Variants in MEGF11 observed in about 807,000 individuals in gnomAD.
The protein encoded by MEGF11 is multiple epidermal growth factor-like domains protein 11.
Under a neutral mutation model 146.6 loss-of-function variants are expected in MEGF11, and 126 were observed. The observed-to-expected ratio is 0.86, with a 90% CI of 0.74 to 1.00. The LOEUF is 1.00. Among genes scored for constraint, MEGF11 ranks in the 50% least tolerant of loss-of-function variants. The pLI is 0.00. For synonymous variants in MEGF11, 532 were observed against 583.4 expected, an observed-to-expected ratio of 0.91 and a Z score of 1.27; for missense variants, 1,509 against 1,521.2, an observed-to-expected ratio of 0.99 and a Z score of 0.13.
At chr15:66,229,034 C>T (rs1030074588) in intron 1 of MEGF11, among the ~76,000 whole-genome samples, 1 of 152,146 alleles carries the variant, frequency 6.6e-6, no homozygotes, top group Non-Finnish European at 1.5e-5. Context: ...TGCTGATTTT[C>T]CTGCACTCTG....
intron 5 of MEGF11, among the ~76,000 whole-genome samples, chr15:66,033,103 A>AAAAAAAAAAG (rs2083593961): frequency 7.1e-6 from 1 of 140,690 alleles, no homozygotes; most frequent in East Asian, 2.2e-4. Context: ...AAAAAAAAAA[A>AAAAAAAAAAG]AAGAAGCAGA....
intron 16 of MEGF11, 93 bp from the exon 17 acceptor site, chr15:65,917,049 T>C (rs1479348388): frequency 1.5e-6 from 2 of 1,316,054 alleles, no homozygotes; most frequent in Non-Finnish European, 2.0e-6. Context: ...AGAGCCAAGA[T>C]GCCAAGATGG....
At chr15:65,928,863 A>G (rs2079469222) in intron 12 of MEGF11, among the ~76,000 whole-genome samples, 1 of 152,228 alleles carries the variant, frequency 6.6e-6, no homozygotes, top group South Asian at 2.1e-4. Context: ...TCATTAACTA[A>G]AACTGTAAAT....
chr15:65,909,013 A>AG, intron 23 of MEGF11, 21 bp downstream of exon 23: 1 of 1,471,438 alleles, frequency 6.8e-7, no homozygotes. Context: ...GAGGGGGTGG[A>AG]GGGTAGGGCT....
At chr15:65,910,482 C>T (rs1026315827) in intron 21 of MEGF11, among the ~76,000 whole-genome samples, 1 of 152,118 alleles carries the variant, frequency 6.6e-6, no homozygotes, top group Non-Finnish European at 1.5e-5. Context: ...GTGTCCTTTC[C>T]ATGTCATCAC....
chr15:66,238,105 C>A (rs930668934), intron 1 of MEGF11, among the ~76,000 whole-genome samples: 2 of 152,208 alleles, frequency 1.3e-5, no homozygotes, highest in African/African-American at 4.8e-5. Flanking sequence ...GCTGGAGGGA[C>A]TCTCAGCGCC....
At chr15:66,202,417 C>T (rs16949669) in intron 1 of MEGF11, among the ~76,000 whole-genome samples, 10,976 of 152,228 alleles carry the variant, frequency 0.072, 577 homozygotes, top group African/African-American at 0.14. Context: ...GGTTGGGCTC[C>T]GTTCTCCTTG....
intron 10 of MEGF11, among the ~76,000 whole-genome samples, chr15:65,955,387 G>A (rs2080546754): frequency 6.9e-6 from 1 of 145,660 alleles, no homozygotes; most frequent in African/African-American, 2.5e-5. Flanking sequence ...GGAAGAAGGG[G>A]GATTGTAACT....
intron 7 of MEGF11, among the ~76,000 whole-genome samples, chr15:65,972,126 TAGAG>T (rs1012182060): frequency 2.2e-4 from 33 of 151,694 alleles, no homozygotes; most frequent in African/African-American, 7.8e-4. Context: ...GAGACAAAGA[TAGAG>T]AGATGAGATT....
chr15:65,916,926 C>T lies in MEGF11; in HGVS notation c.2117G>A (p.Cys706Tyr), dbSNP rs1483435512. 1.9e-6 allele frequency: 3 copies of T among 1,544,572 alleles called. No individual in the cohort carries two copies. Among genetic ancestry groups the T allele is most frequent in the African/African-American group, 2.7e-5 (2 of 72,918 alleles). ...ACPPGFWGPA[C>Y]FHACSCHNGA... Reference sequence around the variant, plus strand: ...GTTGTGGCAGCTGCATGCGTGGAAGCAGGCGGGGCCCCAGAACCCGGGTGG... The same window carrying T: ...GTTGTGGCAGCTGCATGCGTGGAAGTAGGCGGGGCCCCAGAACCCGGGTGG... The change falls in exon 17 of 26, where the codon TGC becomes TAC. Residue 706 changes from cysteine (C) to tyrosine (Y), a missense_variant. Cys to Tyr is a radical substitution (Grantham distance 194). Transcript: ENST00000395614.
intron 5 of MEGF11, among the ~76,000 whole-genome samples, chr15:65,993,120 A>G (rs771391837): frequency 6.6e-6 from 1 of 152,150 alleles, no homozygotes; most frequent in Non-Finnish European, 1.5e-5. Context: ...AGCACCCCGC[A>G]CTGTCCTCCC....
chr15:66,195,104 T>A (rs34384426), intron 1 of MEGF11, among the ~76,000 whole-genome samples: 67,513 of 151,940 alleles, frequency 0.44, 15,366 homozygotes, highest in East Asian at 0.61. Flanking sequence ...CTGGTTTCAT[T>A]CTGAGGCCTC....
At chr15:66,014,575 G>A (rs980002922) in intron 5 of MEGF11, among the ~76,000 whole-genome samples, 4 of 152,104 alleles carry the variant, frequency 2.6e-5, no homozygotes, top group Admixed American at 6.5e-5. Flanking sequence ...ACGAAAAACC[G>A]CTTTGAGATT....
chr15:65,977,841 G>A (rs1341876505), intron 7 of MEGF11, among the ~76,000 whole-genome samples: 2 of 152,086 alleles, frequency 1.3e-5, no homozygotes, highest in East Asian at 3.9e-4. Context: ...CTAAGGGTGG[G>A]GGATGTCAAT....
intron 1 of MEGF11, among the ~76,000 whole-genome samples, chr15:66,184,257 A>G (rs1319337631): frequency 2.0e-5 from 3 of 152,170 alleles, no homozygotes; most frequent in Admixed American, 6.5e-5. Flanking sequence ...AAAACAAAAA[A>G]AGAATCTAGG....
rs112570540 is a variant in MEGF11, at chr15:65,898,135, G to A, written c.3263-41C>T. The stretch of plus-strand genomic sequence containing the variant: ...AAAAATGAGTTCAGAGAACAGATTA[G>A]CTTTGGTTGCCTTGTTGGAGAGGAA... On this transcript the variant is annotated intron_variant, in intron 25 of 25. Transcript: ENST00000395614. 3,186 of 1,573,636 alleles carry A rather than the reference G, an allele frequency of 2.0e-3. 49 individuals are homozygous for A. In the African/African-American group the frequency reaches 0.037, roughly 18 times the overall value.
intron 5 of MEGF11, among the ~76,000 whole-genome samples, chr15:66,067,938 G>A (rs988171196): frequency 6.6e-6 from 1 of 152,188 alleles, no homozygotes; most frequent in Non-Finnish European, 1.5e-5. Flanking sequence ...TAGGAGCATG[G>A]GTTCTGGAGT....
intron 9 of MEGF11, among the ~76,000 whole-genome samples, chr15:65,961,030 T>G (rs2080840043): frequency 6.6e-6 from 1 of 152,186 alleles, no homozygotes. Context: ...TCTACTTATC[T>G]TATAGAAACT....
chr15:65,952,632 A>T (rs2080448837), intron 10 of MEGF11, among the ~76,000 whole-genome samples: 1 of 152,188 alleles, frequency 6.6e-6, no homozygotes, highest in Non-Finnish European at 1.5e-5. Context: ...CTGGCTCATG[A>T]GGCTGTCCAA....
Sources: gnomAD v4.1 joint callset for allele counts (sites outside exome capture counted in the v4.1 genomes callset) on GRCh38, gnomAD v4.1.1 for gene constraint, MANE v1.5 for transcripts, NCBI Gene and HGNC (gene_info 2026-07-23, HGNC 2026-07-21) for gene names.